The following SPATA13 variants were observed in gnomAD, a reference collection of about 807,000 sequenced individuals.
SPATA13 encodes the protein spermatogenesis-associated protein 13.
In SPATA13, 50 loss-of-function variants were observed where a neutral mutation model predicts 104.0. That is an observed-to-expected ratio of 0.48 (90% confidence interval 0.38 to 0.61). The LOEUF (loss-of-function observed/expected upper bound fraction) is 0.61. Ranked by LOEUF, SPATA13 falls within the 20% of genes least tolerant of loss-of-function variation. The pLI is 0.00. For missense variants in SPATA13, 1,524 were observed against 1,690.6 expected (o/e 0.90, Z 1.73); for synonymous variants, 606 against 667.5 (o/e 0.91, Z 1.42).
At chr13:24,122,554 A>T in intron 3 of SPATA13, 1 of 1,568,684 alleles carries the variant, frequency 6.4e-7, no homozygotes. Context: ...CGCCCTTTGC[A>T]CTGCAGAGCG....
At chr13:24,226,058 G>A (rs1323536136) in intron 2 of SPATA13, among the ~76,000 whole-genome samples, 1 of 152,188 alleles carries the variant, frequency 6.6e-6, no homozygotes, top group African/African-American at 2.4e-5. Flanking sequence ...AATGAGTGGC[G>A]GAGTCTGGGG....
intron 3 of SPATA13, among the ~76,000 whole-genome samples, chr13:24,077,398 T>A (rs1377564221): frequency 6.6e-6 from 1 of 151,622 alleles, no homozygotes; most frequent in East Asian, 1.9e-4. Flanking sequence ...GTACATGTGA[T>A]CATACTGGAA....
At chr13:24,020,013 C>T (rs537251020) in intron 3 of SPATA13, among the ~76,000 whole-genome samples, 1 of 152,144 alleles carries the variant, frequency 6.6e-6, no homozygotes, top group Non-Finnish European at 1.5e-5. Context: ...TAAGCTCTAT[C>T]TTTATTGCAC....
At chr13:24,078,363 C>T (rs1365061222) in intron 3 of SPATA13, among the ~76,000 whole-genome samples, 1 of 152,138 alleles carries the variant, frequency 6.6e-6, no homozygotes, top group Non-Finnish European at 1.5e-5. Context: ...TGCCAAATAC[C>T]ATGGTAAGGG....
chr13:24,000,531 C>A (rs887646803), intron 2 of SPATA13, among the ~76,000 whole-genome samples: 16 of 152,250 alleles, frequency 1.1e-4, no homozygotes, highest in African/African-American at 3.1e-4. Context: ...AGGGGGAAGA[C>A]AGGCCACAAA....
Position 24,103,147 on chromosome 13 carries a change from T to C in SPATA13, c.-112+85446T>C, listed in dbSNP as rs145440245. Among the ~76,000 whole-genome samples, 5 of 152,286 alleles carry C rather than the reference T, an allele frequency of 3.3e-5. No homozygotes were observed. In the East Asian group the frequency reaches 9.7e-4, roughly 29 times the overall value. ...GGCAGAAGAATCTCATGAACTTCAC[T>C]TTAAAAATAGTTCTGAATACGTCAA... On this transcript the variant is annotated intron_variant, in intron 3 of 14. Transcript: ENST00000424834.
intron 1 of SPATA13, among the ~76,000 whole-genome samples, chr13:24,178,005 C>T (rs55720802): frequency 0.14 from 20,765 of 152,006 alleles, 1,502 homozygotes; most frequent in East Asian, 0.21. Flanking sequence ...TATGGGTGTG[C>T]GCCACTATGC....
intron 2 of SPATA13, among the ~76,000 whole-genome samples, chr13:24,008,671 G>T (rs970827905): frequency 3.3e-5 from 5 of 152,162 alleles, no homozygotes; most frequent in African/African-American, 1.2e-4. Flanking sequence ...GAGGCAGCAG[G>T]CCTGGGCCAG....
intron 1 of SPATA13, among the ~76,000 whole-genome samples, chr13:24,182,357 C>T (rs78453962): frequency 0.22 from 33,360 of 152,098 alleles, 3,985 homozygotes; most frequent in East Asian, 0.39. Context: ...GTTAAATTGG[C>T]TCACGGTTCT....
Position 24,218,195 on chromosome 13 carries a change from T to C in SPATA13, c.-111-4624T>C, listed in dbSNP as rs140856245. ...TGGACTCTGGCAGCAGAGTGAAGGA[T>C]GGGTGGGCAGTGAGCCAGACCATGG... On this transcript the variant is annotated intron_variant, in intron 1 of 12. Transcript: ENST00000382108. 7.1e-4 allele frequency among the ~76,000 whole-genome samples: 108 copies of C among 152,204 alleles called. 1 individual carries two copies. In the East Asian group the frequency reaches 0.019, roughly 26 times the overall value.
At chr13:24,092,174 A>G (rs953738489) in intron 3 of SPATA13, among the ~76,000 whole-genome samples, 72 of 152,202 alleles carry the variant, frequency 4.7e-4, no homozygotes, top group African/African-American at 1.7e-3. Context: ...TTATTCTTCT[A>G]TTCTGGCAAT....
At chr13:24,268,043 G>C (rs746818367) in intron 4 of SPATA13, among the ~76,000 whole-genome samples, 4 of 152,218 alleles carry the variant, frequency 2.6e-5, no homozygotes, top group Non-Finnish European at 5.9e-5. Context: ...GGGCCCTACT[G>C]TGAGTAGCAA....
intron 2 of SPATA13, among the ~76,000 whole-genome samples, chr13:23,995,391 G>C (rs1875630990): frequency 6.6e-6 from 1 of 152,070 alleles, no homozygotes; most frequent in South Asian, 2.1e-4. Context: ...ACTGGGCCTT[G>C]GTTTTTGAAC....
At chr13:24,177,046 C>A (rs1417872336) in intron 1 of SPATA13, among the ~76,000 whole-genome samples, 1 of 151,992 alleles carries the variant, frequency 6.6e-6, no homozygotes, top group Non-Finnish European at 1.5e-5. Context: ...ATTACAGGCA[C>A]GAGCTGCCGC....
intron 3 of SPATA13, among the ~76,000 whole-genome samples, chr13:24,124,741 T>A (rs2137828243): frequency 6.6e-6 from 1 of 152,358 alleles, no homozygotes; most frequent in Non-Finnish European, 1.5e-5. Context: ...CCAAGGTTTG[T>A]TCTTTTTTTA....
chr13:24,228,567 G>A (rs958992167), intron 2 of SPATA13, among the ~76,000 whole-genome samples: 5 of 152,090 alleles, frequency 3.3e-5, no homozygotes, highest in African/African-American at 1.2e-4. Flanking sequence ...TTTGGCTTTG[G>A]GAAACAAAAT....
chr13:24,009,480 G>A (rs1254669406), intron 2 of SPATA13, among the ~76,000 whole-genome samples: 3 of 152,174 alleles, frequency 2.0e-5, no homozygotes, highest in African/African-American at 7.2e-5. Flanking sequence ...TACATTTTAG[G>A]GAGACATGAG....
In SPATA13 at chr13:24,303,252, A is replaced by T. The variant is rs546034694; in HGVS notation, c.*479A>T. 7.9e-5 allele frequency: 34 copies of T among 428,280 alleles called. 1 individual carries two copies. The highest frequency in any genetic ancestry group is 5.7e-4 in the South Asian group (34 of 59,292). 26.5% of individuals were successfully genotyped at this position (428,280 alleles called of 1,614,324 possible). ...CTGCACGTGTCTGGTCACACTTAGA[A>T]ATTGAGCTCTTACTCTCTTCTGTAA... is the stretch of plus-strand genomic sequence containing the variant. On this transcript the variant is annotated 3_prime_UTR_variant, in exon 13 of 13. Transcript: ENST00000382108.
chr13:24,156,051 G>A (rs1199943353), upstream of SPATA13, among the ~76,000 whole-genome samples: 2 of 152,148 alleles, frequency 1.3e-5, no homozygotes, highest in Non-Finnish European at 2.9e-5. Flanking sequence ...TCCATTGTAT[G>A]TATTTACTAC....
Sources: allele counts gnomAD v4.1 joint callset (sites outside exome capture counted in the v4.1 genomes callset), GRCh38; gene constraint gnomAD v4.1.1; transcripts MANE v1.5; gene names NCBI Gene and HGNC (gene_info 2026-07-23, HGNC 2026-07-21).